RIMS1: variants seen among roughly 807,000 people sequenced by gnomAD.
The protein encoded by RIMS1 is regulating synaptic membrane exocytosis 1.
A neutral mutation model predicts 214.1 loss-of-function variants in RIMS1; 83 were observed. The ratio of observed to expected loss-of-function variants is 0.39; its 90% CI spans 0.32 to 0.47. The LOEUF (loss-of-function observed/expected upper bound fraction) is 0.47. Ranked by LOEUF, RIMS1 falls within the 20% of genes least tolerant of loss-of-function variation. The probability of loss-of-function intolerance (pLI) is 0.99; values close to 1 mark genes in which losing one functional copy is unlikely to be tolerated. For synonymous variants in RIMS1, 793 were observed against 786.8 expected (o/e 1.01, Z -0.13); for missense variants, 2,050 against 2,161.8 (o/e 0.95, Z 1.03).
chr6:72,289,692 G>T (rs544859703), intron 24 of RIMS1, among the ~76,000 whole-genome samples: 1 of 152,158 alleles, frequency 6.6e-6, no homozygotes, highest in East Asian at 1.9e-4. Context: ...AATAGAAGTT[G>T]AATGACACTC....
intron 1 of RIMS1, among the ~76,000 whole-genome samples, chr6:71,898,093 T>G (rs1772416191): frequency 6.6e-6 from 1 of 152,156 alleles, no homozygotes; most frequent in South Asian, 2.1e-4. Context: ...GTATCTTGAT[T>G]TATCATTCTT....
At chr6:72,194,506 T>A (rs6921962) in intron 6 of RIMS1, among the ~76,000 whole-genome samples, 1 of 152,116 alleles carries the variant, frequency 6.6e-6, no homozygotes, top group Non-Finnish European at 1.5e-5. Flanking sequence ...AAAAATATGC[T>A]TCCTACTCTA....
chr6:72,289,841 T>A (rs546987401), intron 24 of RIMS1, among the ~76,000 whole-genome samples: 5 of 152,244 alleles, frequency 3.3e-5, no homozygotes, highest in African/African-American at 1.2e-4. Context: ...TGCTAGGTGT[T>A]TTAATCATGC....
chr6:72,171,057 T>C (rs2046961587), intron 4 of RIMS1, among the ~76,000 whole-genome samples: 1 of 151,908 alleles, frequency 6.6e-6, no homozygotes, highest in Non-Finnish European at 1.5e-5. Context: ...CGTCAGCAAA[T>C]AAGGATTCAG....
intron 2 of RIMS1, among the ~76,000 whole-genome samples, chr6:72,092,269 TTCCC>T (rs1043912468): frequency 6.8e-4 from 78 of 114,986 alleles, no homozygotes; most frequent in African/African-American, 1.4e-3. Context: ...TCCTCCTTCC[TTCCC>T]TCCCTCCCTC....
intron 1 of RIMS1, among the ~76,000 whole-genome samples, chr6:71,896,917 A>G (rs1044631296): frequency 1.3e-5 from 2 of 152,134 alleles, no homozygotes; most frequent in African/African-American, 4.8e-5. Flanking sequence ...GTATATGTCA[A>G]TGATCCCTAG....
At chr6:72,285,308 G>T (rs939444195) in intron 24 of RIMS1, among the ~76,000 whole-genome samples, 1 of 152,282 alleles carries the variant, frequency 6.6e-6, no homozygotes, top group African/African-American at 2.4e-5. Context: ...CATCAGCCAG[G>T]CTATCTCAAT....
chr6:72,390,654 G>A lies in RIMS1; in HGVS notation c.4423G>A (p.Ala1475Thr). ...TIQRSTETGM[A>T]AEMRKMVRQP... Reference sequence around the variant, plus strand: ...CCAGAGAAGCACAGAAACAGGCATGGCAGCTGAAATGAGAAAGATGGTAAG... The same window carrying A: ...CCAGAGAAGCACAGAAACAGGCATGACAGCTGAAATGAGAAAGATGGTAAG... Residue 1475 changes from alanine (A) to threonine (T), a missense_variant, in exon 30 of 34, where the codon GCA (alanine) becomes ACA (threonine). Transcript: ENST00000521978. 6.2e-7 allele frequency: 1 copy of A among 1,613,896 alleles called. No homozygotes were observed. Among genetic ancestry groups the A allele is most frequent in the Non-Finnish European group, 8.5e-7 (1 of 1,179,834 alleles).
rs1157622641 is a variant in RIMS1 at position 72,183,083 on chromosome 6, G to C, written c.1612G>C (p.Val538Leu). The C allele has an allele frequency of 6.3e-7, 1 of 1,592,448 alleles. No homozygotes were observed. Among genetic ancestry groups the C allele is most frequent in the Non-Finnish European group, 8.5e-7 (1 of 1,170,562 alleles). The change falls in exon 6 of 34, where the codon GTG becomes CTG. Residue 538 changes from valine to leucine, a missense_variant. This residue lies in a region of RIMS1 where 882 missense variants were observed against 828.9 expected (regional missense o/e 1.06). Transcript: ENST00000521978. ...MSVSSSEEEG[V>L]STPEYTSCED... ...GGTGAGCAGCTCTGAGGAGGAGGGC[G>C]TGTCGACGCCCGAGTACACCAGCTG...
chr6:72,375,239 G>A (rs995080442), intron 29 of RIMS1, among the ~76,000 whole-genome samples: 2 of 152,128 alleles, frequency 1.3e-5, no homozygotes, highest in African/African-American at 4.8e-5. Context: ...GCCTCATCAA[G>A]TTTAGCGTTT....
At chr6:72,260,192 T>C (rs2077377240) in intron 18 of RIMS1, among the ~76,000 whole-genome samples, 1 of 152,146 alleles carries the variant, frequency 6.6e-6, no homozygotes, top group Non-Finnish European at 1.5e-5. Flanking sequence ...TGGATATAGA[T>C]AAAGTATTAA....
chr6:72,182,838 C>T lies in RIMS1; in HGVS notation c.1367C>T (p.Pro456Leu). The change falls in exon 6 of 34, where the codon CCG becomes CTG. Residue 456 changes from proline to leucine, a missense_variant. Physicochemically the swap from Pro to Leu is moderately conservative, Grantham distance 98 (BLOSUM62 -3). Around this residue, in one of 6 missense-constraint regions of RIMS1, gnomAD observed 882 missense variants for 828.9 expected, o/e 1.06. Transcript: ENST00000521978. ...NHSPPAPRHG[P>L]VPAEAPELKA... ...AGCCCGCCGGCGCCCAGACATGGGC[C>T]GGTTCCCGCAGAAGCCCCGGAGCTC... 6.4e-7 allele frequency: 1 copy of T among 1,552,618 alleles called. No individual in the cohort carries two copies. The highest frequency in any genetic ancestry group is 1.4e-5 in the African/African-American group (1 of 73,376).
intron 2 of RIMS1, among the ~76,000 whole-genome samples, chr6:72,012,968 G>C (rs1400084475): frequency 6.6e-6 from 1 of 152,100 alleles, no homozygotes; most frequent in Non-Finnish European, 1.5e-5. Context: ...CACTGCATTT[G>C]GAATCAAGAC....
chr6:72,259,143 G>T (rs1270118929), intron 18 of RIMS1, 32 bp downstream of exon 18: 1 of 1,594,274 alleles, frequency 6.3e-7, no homozygotes, highest in Non-Finnish European at 8.6e-7. Flanking sequence ...TCAACGTTAT[G>T]AATTTTTTGT....
At chr6:72,300,837 C>A (rs1164308237) in intron 26 of RIMS1, among the ~76,000 whole-genome samples, 5 of 151,678 alleles carry the variant, frequency 3.3e-5, no homozygotes, top group African/African-American at 7.2e-5. Context: ...TCCTGAGCTT[C>A]GTTTTAGATA....
At chr6:72,122,213 T>TC (rs1411936849) in intron 4 of RIMS1, among the ~76,000 whole-genome samples, 3 of 149,314 alleles carry the variant, frequency 2.0e-5, no homozygotes, top group African/African-American at 7.4e-5. Context: ...TTTTCTTTTT[T>TC]TTTTTTTTTG....
At chr6:72,272,907 TA>T (rs2084172762) in intron 22 of RIMS1, among the ~76,000 whole-genome samples, 3 of 152,182 alleles carry the variant, frequency 2.0e-5, no homozygotes, top group Non-Finnish European at 4.4e-5. Context: ...AGAAACTTTT[TA>T]AAACATTCAG....
intron 29 of RIMS1, among the ~76,000 whole-genome samples, chr6:72,364,781 A>G (rs1026861131): frequency 1.3e-5 from 2 of 152,216 alleles, no homozygotes; most frequent in Non-Finnish European, 1.5e-5. Context: ...TTGGGGTTCT[A>G]TGGGAGACTA....
intron 6 of RIMS1, among the ~76,000 whole-genome samples, chr6:72,205,377 A>G (rs956803606): frequency 6.6e-6 from 1 of 152,220 alleles, no homozygotes; most frequent in African/African-American, 2.4e-5. Context: ...TTTAATTGGC[A>G]TAATCCCCAG....
Sources: allele counts gnomAD v4.1 joint callset (sites outside exome capture counted in the v4.1 genomes callset), GRCh38; gene constraint gnomAD v4.1.1; regional missense constraint gnomAD v4.1.1; transcripts MANE v1.5; gene names NCBI Gene and HGNC (gene_info 2026-07-23, HGNC 2026-07-21).